Variants in DIO2 observed in about 807,000 individuals in gnomAD.
The protein encoded by DIO2 is iodothyronine deiodinase 2.
In DIO2, 19 loss-of-function variants were observed where a neutral mutation model predicts 21.4. The observed-to-expected ratio is 0.89, with a 90% CI of 0.62 to 1.30. The LOEUF (loss-of-function observed/expected upper bound fraction) is 1.30, where lower values mean the gene tolerates loss of function less well. Ranked by LOEUF, DIO2 falls within the 50% of genes most tolerant of loss-of-function variation. The probability of loss-of-function intolerance (pLI) is 0.00; values close to 1 mark genes in which losing one functional copy is unlikely to be tolerated. For synonymous variants in DIO2, 122 were observed against 132.9 expected (o/e 0.92, Z 0.57); for missense variants, 302 against 338.1 (o/e 0.89, Z 0.84).
At chr14:80,215,735 C>T (rs1888335114), upstream of DIO2, among the ~76,000 whole-genome samples, 1 of 152,198 alleles carries the variant, frequency 6.6e-6, no homozygotes, top group African/African-American at 2.4e-5. Flanking sequence ...CCATACATAA[C>T]GCCTAAAACA....
chr14:80,199,666 CAAT>C lies in DIO2; in HGVS notation c.*3020_*3022del, dbSNP rs1266401623. 1.3e-5 allele frequency: 2 copies of C among 152,500 alleles called. No homozygotes were observed. Among genetic ancestry groups the C allele is most frequent in the Non-Finnish European group, 2.9e-5 (2 of 68,014 alleles). The allele number at this position is 152,500 out of a possible 1,614,324, so 9.4% of individuals were successfully genotyped here. ...AGGTCCAAGACATAAGTCTTTCAAA[CAAT>C]AAGTGTTTGAGTAGACCCAGATGTT... On this transcript the variant is annotated 3_prime_UTR_variant, in exon 2 of 2. Transcript: ENST00000438257.
chr14:80,228,122 C>A (rs1888612338), intron 2 of DIO2, among the ~76,000 whole-genome samples: 1 of 152,174 alleles, frequency 6.6e-6, no homozygotes, highest in African/African-American at 2.4e-5. Flanking sequence ...TGTAATGGAC[C>A]AGTGTGATAT....
In DIO2 at chr14:80,199,220, TTTTA is replaced by T. The variant is rs1887614154; in HGVS notation, c.*3465_*3468del. Reference sequence around the variant, plus strand: ...ATGTGACCTCACCATATTTCATAATTTTTATTTCAGAGCCCAAATAGTAAAATAC... The same window carrying T: ...ATGTGACCTCACCATATTTCATAATTTTTCAGAGCCCAAATAGTAAAATAC... On this transcript the variant is annotated 3_prime_UTR_variant, in exon 2 of 2. Coordinates refer to ENST00000438257, the MANE Select transcript of DIO2 (RefSeq NM_013989.5). 2 of 152,256 alleles carry T rather than the reference TTTTA, an allele frequency of 1.3e-5. No homozygotes were observed. The highest frequency in any genetic ancestry group is 2.9e-5 in the Non-Finnish European group (2 of 68,048). The allele number at this position is 152,256 out of a possible 1,614,324, so 9.4% of individuals were successfully genotyped here.
intron 2 of DIO2, among the ~76,000 whole-genome samples, chr14:80,224,559 A>C (rs1888533400): frequency 6.6e-6 from 1 of 151,370 alleles, no homozygotes; most frequent in Admixed American, 6.6e-5. Context: ...AAGATGGAAC[A>C]CAATGAGACT....
intron 2 of DIO2, chr14:80,219,504 C>CTTTTTTTTTTTTTTTTTTTTTTTT (rs1566666996): frequency 7.0e-6 from 1 of 142,026 alleles, no homozygotes; most frequent in African/African-American, 2.7e-5. Context: ...AACTGTAAGT[C>CTTTTTTTTTTTTTTTTTTTTTTTT]ATTTTTTTTT....
intron 2 of DIO2, among the ~76,000 whole-genome samples, chr14:80,217,061 C>T (rs573151253): frequency 6.6e-6 from 1 of 152,314 alleles, no homozygotes; most frequent in South Asian, 2.1e-4. Flanking sequence ...GGATGCCACA[C>T]CTCCTCCCTC....
At chr14:80,205,024 T>A (rs535338629) in intron 1 of DIO2, among the ~76,000 whole-genome samples, 1 of 152,322 alleles carries the variant, frequency 6.6e-6, no homozygotes, top group South Asian at 2.1e-4. Flanking sequence ...TTACTTATAC[T>A]AACTTTCTTG....
intron 1 of DIO2, among the ~76,000 whole-genome samples, chr14:80,204,408 G>T (rs772616391): frequency 6.6e-6 from 1 of 152,070 alleles, no homozygotes; most frequent in Non-Finnish European, 1.5e-5. Context: ...GATAAAAATT[G>T]TTTCATGTGC....
At chr14:80,218,415 T>C (rs1180295735) in intron 2 of DIO2, among the ~76,000 whole-genome samples, 1 of 152,132 alleles carries the variant, frequency 6.6e-6, no homozygotes, top group Non-Finnish European at 1.5e-5. Flanking sequence ...TCAACCTGAA[T>C]CTTAAACTCA....
rs1391712563 is a variant in DIO2 at position 80,199,607 on chromosome 14, T to A, written c.*3082A>T. The A allele has an allele frequency of 6.6e-6, 1 of 152,580 alleles. No homozygotes were observed. Among genetic ancestry groups the A allele is most frequent in the Non-Finnish European group, 1.5e-5 (1 of 68,042 alleles). The allele number at this position is 152,580 out of a possible 1,614,324, so 9.5% of individuals were successfully genotyped here. A position where few individuals can be genotyped will look rare whatever the true frequency, so the allele number is the denominator to read the frequency against. Reference sequence around the variant, plus strand: ...AAATCATTGTTGATCCCACTAGTATTTTCACTAAGCAATAAATAAAGTCAG... The same window carrying A: ...AAATCATTGTTGATCCCACTAGTATATTCACTAAGCAATAAATAAAGTCAG... On this transcript the variant is annotated 3_prime_UTR_variant, in exon 2 of 2. Coordinates refer to ENST00000438257, the MANE Select transcript of DIO2 (RefSeq NM_013989.5).
At chr14:80,221,471 A>G (rs765538365) in intron 2 of DIO2, among the ~76,000 whole-genome samples, 6 of 152,116 alleles carry the variant, frequency 3.9e-5, no homozygotes, top group Admixed American at 2.6e-4. Flanking sequence ...AACCACAGTC[A>G]TTTTCTTTTT....
At chr14:80,203,629 A>G (rs1887834632) in intron 1 of DIO2, among the ~76,000 whole-genome samples, 1 of 152,222 alleles carries the variant, frequency 6.6e-6, no homozygotes. Flanking sequence ...CTTAACATGC[A>G]TTCTATAACA....
chr14:80,223,639 T>A (rs537477709), intron 2 of DIO2, among the ~76,000 whole-genome samples: 1 of 152,284 alleles, frequency 6.6e-6, no homozygotes, highest in Admixed American at 6.5e-5. Flanking sequence ...CTTATATTCA[T>A]AAAAAGTTGA....
intron 2 of DIO2, among the ~76,000 whole-genome samples, chr14:80,226,568 C>G (rs544512733): frequency 3.9e-5 from 6 of 152,298 alleles, no homozygotes; most frequent in African/African-American, 1.4e-4. Flanking sequence ...GGCTGATCAC[C>G]CCAAGGAATG....
intron 2 of DIO2, among the ~76,000 whole-genome samples, chr14:80,227,640 C>T (rs1888602747): frequency 6.6e-6 from 1 of 152,206 alleles, no homozygotes; most frequent in African/African-American, 2.4e-5. Flanking sequence ...CTGCCAAAGG[C>T]TCCAAACAGC....
At chr14:80,218,937 C>T (rs971340736) in intron 2 of DIO2, among the ~76,000 whole-genome samples, 2 of 152,096 alleles carry the variant, frequency 1.3e-5, no homozygotes, top group African/African-American at 4.8e-5. Flanking sequence ...GAGATTGGGC[C>T]ACTGCACTCC....
intron 2 of DIO2, among the ~76,000 whole-genome samples, chr14:80,220,373 G>A (rs777661725): frequency 7.9e-5 from 12 of 152,158 alleles, no homozygotes; most frequent in Non-Finnish European, 1.3e-4. Context: ...CAGAGCATGG[G>A]AACTAGGAAG....
At chr14:80,226,088 C>T (rs531012351) in intron 2 of DIO2, among the ~76,000 whole-genome samples, 39 of 152,232 alleles carry the variant, frequency 2.6e-4, no homozygotes, top group African/African-American at 7.9e-4. Context: ...CCACTTCCAC[C>T]GCTTGATTCC....
In DIO2 at chr14:80,217,903, G is replaced by A. The variant is rs189802176; in HGVS notation, c.-277-1166C>T. Among the ~76,000 whole-genome samples the A allele has an allele frequency of 2.4e-4, 36 of 152,308 alleles. 1 individual carries two copies. Among genetic ancestry groups the A allele is most frequent in the Admixed American group, 1.9e-3 (29 of 15,308 alleles). ...GTTTGGCATTTGCCTTTTATCAAGAGATGTCACGTTCTGGTGGACTTCAAT... is the reference window on the plus strand; with the variant it reads ...GTTTGGCATTTGCCTTTTATCAAGAAATGTCACGTTCTGGTGGACTTCAAT... On this transcript the variant is annotated intron_variant, in intron 2 of 4. Transcript: ENST00000553594.
Sources: allele counts gnomAD v4.1 joint callset (sites outside exome capture counted in the v4.1 genomes callset), GRCh38; gene constraint gnomAD v4.1.1; transcripts MANE v1.5; gene names NCBI Gene and HGNC (gene_info 2026-07-23, HGNC 2026-07-21).